Variants in CNTN4 observed in about 807,000 individuals in gnomAD.
CNTN4 encodes contactin 4.
CNTN4 carries 77 observed loss-of-function variants against 122.5 expected under a neutral mutation model. That is an observed-to-expected ratio of 0.63 (90% CI 0.52 to 0.76). The LOEUF (loss-of-function observed/expected upper bound fraction) is 0.76. Ranked by LOEUF, CNTN4 falls within the 30% of genes least tolerant of loss-of-function variation. CNTN4 has a pLI of 0.00. For missense variants in CNTN4, 1,256 were observed against 1,259.1 expected, an observed-to-expected ratio of 1.00 and a Z score of 0.04; for synonymous variants, 512 against 447.0, an observed-to-expected ratio of 1.15 and a Z score of -1.83.
intron 3 of CNTN4, among the ~76,000 whole-genome samples, chr3:2,439,420 T>G (rs967995415): frequency 6.6e-6 from 1 of 152,200 alleles, no homozygotes; most frequent in South Asian, 2.1e-4. Context: ...TTTTTTTTAC[T>G]TGGTATCATA....
chr3:2,206,786 T>C (rs2038364874), intron 2 of CNTN4, among the ~76,000 whole-genome samples: 2 of 152,086 alleles, frequency 1.3e-5, no homozygotes, highest in Non-Finnish European at 2.9e-5. Flanking sequence ...ATTTTTCACA[T>C]TTAGTCTTTG....
chr3:2,415,557 C>T (rs1378268143), intron 3 of CNTN4, among the ~76,000 whole-genome samples: 1 of 152,116 alleles, frequency 6.6e-6, no homozygotes, highest in South Asian at 2.1e-4. Context: ...ATTAAACGTA[C>T]CACATTATTT....
chr3:2,392,553 T>C (rs1208367402), intron 3 of CNTN4, among the ~76,000 whole-genome samples: 1 of 152,178 alleles, frequency 6.6e-6, no homozygotes, highest in Non-Finnish European at 1.5e-5. Flanking sequence ...TGGGGTACAG[T>C]GTGATCTTTT....
chr3:2,180,449 C>A (rs888791185), intron 2 of CNTN4, among the ~76,000 whole-genome samples: 24 of 152,064 alleles, frequency 1.6e-4, no homozygotes, highest in Middle Eastern at 6.8e-3. Context: ...GATTTTGTCT[C>A]ATGCTTTTCA....
chr3:2,578,576 C>A (rs992860665), intron 4 of CNTN4, among the ~76,000 whole-genome samples: 21 of 152,184 alleles, frequency 1.4e-4, no homozygotes, highest in Non-Finnish European at 5.9e-5. Flanking sequence ...ATGTATTAAA[C>A]CTAGTACTAC....
intron 4 of CNTN4, among the ~76,000 whole-genome samples, chr3:2,610,749 A>G (rs1015379395): frequency 6.6e-6 from 1 of 152,200 alleles, no homozygotes; most frequent in Non-Finnish European, 1.5e-5. Flanking sequence ...TTTAAAAACT[A>G]TAAACATACA....
At chr3:2,445,058 G>A (rs1452285464) in intron 3 of CNTN4, among the ~76,000 whole-genome samples, 2 of 151,362 alleles carry the variant, frequency 1.3e-5, no homozygotes, top group African/African-American at 4.9e-5. Context: ...TGGCTCGACA[G>A]CTTGAACGTG....
chr3:2,423,868 T>G (rs1351674825), intron 3 of CNTN4, among the ~76,000 whole-genome samples: 1 of 146,356 alleles, frequency 6.8e-6, no homozygotes, highest in African/African-American at 2.5e-5. Flanking sequence ...GAGTAATAGT[T>G]CTTATTTTCT....
intron 4 of CNTN4, among the ~76,000 whole-genome samples, chr3:2,725,319 G>A (rs2088148323): frequency 6.6e-6 from 1 of 152,102 alleles, no homozygotes; most frequent in Non-Finnish European, 1.5e-5. Context: ...TAATGCATAT[G>A]CCTGCACCCC....
chr3:2,550,391 C>T (rs937453050), intron 3 of CNTN4, among the ~76,000 whole-genome samples: 7 of 152,122 alleles, frequency 4.6e-5, no homozygotes, highest in Admixed American at 2.6e-4. Context: ...AAATCAAAAC[C>T]ACAGTGAGAT....
In CNTN4 at chr3:2,385,947, G is replaced by A. The variant is rs561852176; in HGVS notation, c.-89+46714G>A. On this transcript the variant is annotated intron_variant, in intron 3 of 24. Coordinates refer to ENST00000418658, the MANE Select transcript of CNTN4 (RefSeq NM_175607.3). The surrounding 1 kb of genome is among the most constrained non-coding windows in gnomAD (Gnocchi z 4.0). Reference sequence around the variant, plus strand: ...ATACATGCATTCTCACTCAGCAGTCGCTCCCGAGAATCCTTCTTTTTATGT... The same window carrying A: ...ATACATGCATTCTCACTCAGCAGTCACTCCCGAGAATCCTTCTTTTTATGT... Among the ~76,000 whole-genome samples, 65 of 151,946 alleles carry A rather than the reference G, an allele frequency of 4.3e-4. No homozygotes were observed. Among genetic ancestry groups the A allele is most frequent in the African/African-American group, 4.8e-4 (20 of 41,472 alleles).
intron 2 of CNTN4, among the ~76,000 whole-genome samples, chr3:2,145,240 T>TC (rs976506734): frequency 2.0e-5 from 3 of 151,906 alleles, no homozygotes; most frequent in South Asian, 2.1e-4. Context: ...GGCATTTGGT[T>TC]CCCCCCCAGA....
At chr3:2,390,755 T>C (rs13076097) in intron 3 of CNTN4, among the ~76,000 whole-genome samples, 24,810 of 152,202 alleles carry the variant, frequency 0.16, 2,485 homozygotes, top group Middle Eastern at 0.26. Context: ...AGAAATAATG[T>C]TGACCATATA....
At chr3:2,588,440 C>T (rs2080308398) in intron 4 of CNTN4, among the ~76,000 whole-genome samples, 1 of 149,744 alleles carries the variant, frequency 6.7e-6, no homozygotes, top group Non-Finnish European at 1.5e-5. Flanking sequence ...GATCTCGGCT[C>T]ACTGCAACCT....
Position 3,030,840 on chromosome 3 carries a change from C to A in CNTN4, c.1663-15C>A. On this transcript the variant is annotated splice_polypyrimidine_tract_variant and intron_variant, in intron 15 of 24. Transcript: ENST00000418658. ...ATTAAAAAGTAATTGCAGCCACTTTCCCCTACTTTATCAGCAGGATTCAGC... is the reference window on the plus strand; with the variant it reads ...ATTAAAAAGTAATTGCAGCCACTTTACCCTACTTTATCAGCAGGATTCAGC... 6.2e-7 allele frequency: 1 copy of A among 1,613,724 alleles called. No homozygotes were observed. The highest frequency in any genetic ancestry group is 1.7e-4 in the Middle Eastern group (1 of 6,060).
At chr3:2,696,284 G>GAGTT (rs1201033538) in intron 4 of CNTN4, among the ~76,000 whole-genome samples, 1 of 152,194 alleles carries the variant, frequency 6.6e-6, no homozygotes, top group Non-Finnish European at 1.5e-5. Flanking sequence ...GCATTGCTAT[G>GAGTT]AGTTGAATGT....
intron 2 of CNTN4, among the ~76,000 whole-genome samples, chr3:2,162,697 G>A (rs942026696): frequency 3.3e-5 from 5 of 152,184 alleles, no homozygotes; most frequent in African/African-American, 7.2e-5. Flanking sequence ...CCATAACCAC[G>A]AATGTTTGGA....
At chr3:2,641,994 C>A (rs2082913477) in intron 4 of CNTN4, among the ~76,000 whole-genome samples, 1 of 152,136 alleles carries the variant, frequency 6.6e-6, no homozygotes, top group South Asian at 2.1e-4. Context: ...TCAGGGTTCT[C>A]TAGAGGGACA....
intron 4 of CNTN4, among the ~76,000 whole-genome samples, chr3:2,706,796 A>G (rs997470852): frequency 1.3e-5 from 2 of 152,178 alleles, no homozygotes; most frequent in African/African-American, 2.4e-5. Flanking sequence ...TTCCAGAGCC[A>G]ACCTACCAAA....
Sources: gnomAD v4.1 joint callset for allele counts (sites outside exome capture counted in the v4.1 genomes callset) on GRCh38, gnomAD v4.1.1 for gene constraint, Gnocchi (gnomAD v3.1) non-coding constraint, MANE v1.5 for transcripts, NCBI Gene and HGNC (gene_info 2026-07-23, HGNC 2026-07-21) for gene names.